Variants in GALNT18 observed in about 807,000 individuals in gnomAD.
GALNT18 encodes GalNAc-transferase 18.
Under a neutral mutation model 69.5 loss-of-function variants are expected in GALNT18, and 44 were observed. The observed-to-expected ratio is 0.63, with a 90% CI of 0.50 to 0.81. The LOEUF is 0.81. GALNT18 is among the 40% of genes least tolerant of loss of function. GALNT18 has a pLI of 0.00. For synonymous variants in GALNT18, 364 were observed against 318.2 expected (o/e 1.14, Z -1.53); for missense variants, 715 against 810.0 (o/e 0.88, Z 1.42).
rs1269581692 is a variant in GALNT18 at position 11,600,189 on chromosome 11, T to C, written c.235+21170A>G. On this transcript the variant is annotated intron_variant, in intron 1 of 10. Transcript: ENST00000227756. The surrounding 1 kb of genome is among the most constrained non-coding windows in gnomAD (Gnocchi z 4.8). Reference sequence around the variant, plus strand: ...AAGGAGGAGAAATATACAAATACGTTGTTTTTTATAATGGCTTATATAATT... The same window carrying C: ...AAGGAGGAGAAATATACAAATACGTCGTTTTTTATAATGGCTTATATAATT... Among the ~76,000 whole-genome samples, 3 of 152,106 alleles carry C rather than the reference T, an allele frequency of 2.0e-5. No homozygotes were observed. The highest frequency in any genetic ancestry group is 4.8e-5 in the African/African-American group (2 of 41,464).
chr11:11,468,501 T>C (rs560231515), intron 1 of GALNT18, among the ~76,000 whole-genome samples: 1 of 151,924 alleles, frequency 6.6e-6, no homozygotes, highest in Non-Finnish European at 1.5e-5. Context: ...CATGTGTTTC[T>C]GAAGCAGTGC....
chr11:11,347,956 G>T lies in GALNT18; in HGVS notation c.1093-6952C>A, dbSNP rs1422518376. ...AGACCAGAAAGTCACTCGCAGAGTG[G>T]CTGAACGGTCAGAGATGTAGGCAAA... On this transcript the variant is annotated intron_variant, in intron 6 of 10. Coordinates refer to ENST00000227756, the MANE Select transcript of GALNT18 (RefSeq NM_198516.3). This position sits in a 1 kb window ranked among gnomAD's most constrained non-coding sequence, Gnocchi z 4.0. 1.3e-5 allele frequency among the ~76,000 whole-genome samples: 2 copies of T among 152,178 alleles called. No individual in the cohort carries two copies. The highest frequency in any genetic ancestry group is 6.5e-5 in the Admixed American group (1 of 15,278).
At chr11:11,485,651 C>T (rs1374950453) in intron 1 of GALNT18, among the ~76,000 whole-genome samples, 1 of 152,182 alleles carries the variant, frequency 6.6e-6, no homozygotes, top group South Asian at 2.1e-4. Flanking sequence ...CACACACATA[C>T]ACATACCCAG....
rs556650233 is a variant in GALNT18, at chr11:11,592,763, C to G, written c.235+28596G>C. Among the ~76,000 whole-genome samples, 1 of 152,272 alleles carries G rather than the reference C, an allele frequency of 6.6e-6. No homozygotes were observed. Among genetic ancestry groups the G allele is most frequent in the Admixed American group, 6.5e-5 (1 of 15,298 alleles). On this transcript the variant is annotated intron_variant, in intron 1 of 10. Transcript: ENST00000227756. This position sits in a 1 kb window ranked among gnomAD's most constrained non-coding sequence, Gnocchi z 5.9. Reference sequence around the variant, plus strand: ...TTTATTAGGCAGTCTGGGGCCCATACTGAAAATTTTTTGACATATCTTCAA... The same window carrying G: ...TTTATTAGGCAGTCTGGGGCCCATAGTGAAAATTTTTTGACATATCTTCAA...
intron 9 of GALNT18, among the ~76,000 whole-genome samples, chr11:11,305,251 G>T (rs1345106976): frequency 6.6e-6 from 1 of 152,148 alleles, no homozygotes; most frequent in Non-Finnish European, 1.5e-5. Context: ...TGCCTTTTTA[G>T]TATCAGCTGC....
chr11:11,410,513 C>T (rs759836307), intron 3 of GALNT18, among the ~76,000 whole-genome samples: 9 of 152,180 alleles, frequency 5.9e-5, no homozygotes, highest in Non-Finnish European at 1.2e-4. Context: ...AATTAAAGGG[C>T]ACATCGGTGG....
intron 10 of GALNT18, among the ~76,000 whole-genome samples, chr11:11,287,224 C>G (rs547668896): frequency 6.6e-6 from 1 of 152,320 alleles, no homozygotes; most frequent in South Asian, 2.1e-4. Flanking sequence ...AGTCCTCAAT[C>G]CTTTAGCCAT....
rs11021797 is a variant in GALNT18 at position 11,314,781 on chromosome 11, A to G, written c.1512+12305T>C. ...TGGATTCTAAGGAGTCAGTGCTGGT[A>G]GAGAAAGCAGCGCTGCTGGGTGGTA... On this transcript the variant is annotated intron_variant, in intron 9 of 10. Coordinates refer to ENST00000227756, the MANE Select transcript of GALNT18 (RefSeq NM_198516.3). The surrounding 1 kb of genome is among the most constrained non-coding windows in gnomAD (Gnocchi z 5.2). 0.1 allele frequency among the ~76,000 whole-genome samples: 15,223 copies of G among 152,234 alleles called. 875 individuals carry two copies. The highest frequency in any genetic ancestry group is 0.13 in the Non-Finnish European group (8,870 of 68,012).
rs1854532670 is a variant in GALNT18 at position 11,404,141 on chromosome 11, A to G, written c.596-24877T>C. On this transcript the variant is annotated intron_variant, in intron 3 of 10. Coordinates refer to ENST00000227756, the MANE Select transcript of GALNT18 (RefSeq NM_198516.3). This position sits in a 1 kb window ranked among gnomAD's most constrained non-coding sequence, Gnocchi z 4.5. ...CATTCCCATGTCTCATGGGCTCCCC[A>G]TGAAACGGGCTTTCTCTTCCGTAAA... Among the ~76,000 whole-genome samples the G allele has an allele frequency of 6.6e-6, 1 of 152,206 alleles. No individual in the cohort carries two copies. The highest frequency in any genetic ancestry group is 2.1e-4 in the South Asian group (1 of 4,826).
At chr11:11,560,250 G>C (rs1858473785) in intron 1 of GALNT18, among the ~76,000 whole-genome samples, 1 of 152,150 alleles carries the variant, frequency 6.6e-6, no homozygotes, top group Non-Finnish European at 1.5e-5. Context: ...AATGAGATAT[G>C]ATGGGATGGG....
Position 11,350,057 on chromosome 11 carries a change from G to A in GALNT18, c.1093-9053C>T, listed in dbSNP as rs1328842807. ...AAGGGATCCCTCATAACTATCAGAG[G>A]CAGCAGGATTCATTGGGCAGAATTC... is the stretch of plus-strand genomic sequence containing the variant. On this transcript the variant is annotated intron_variant, in intron 6 of 10. Transcript: ENST00000227756. 2.0e-5 allele frequency among the ~76,000 whole-genome samples: 3 copies of A among 152,238 alleles called. No homozygotes were observed. In the East Asian group the frequency reaches 5.8e-4, roughly 29 times the overall value.
chr11:11,394,825 C>G lies in GALNT18; in HGVS notation c.596-15561G>C. On this transcript the variant is annotated intron_variant, in intron 3 of 10. Coordinates refer to ENST00000227756, the MANE Select transcript of GALNT18 (RefSeq NM_198516.3). ...CCTTCCTGACTACATCCTGGCTTTC[C>G]CTGGCACCGTAATGGGTTCCTCACT... Among the ~76,000 whole-genome samples, 2 of 152,188 alleles carry G rather than the reference C, an allele frequency of 1.3e-5. 1 individual carries two copies. The highest frequency in any genetic ancestry group is 2.9e-5 in the Non-Finnish European group (2 of 68,024).
At position 11,377,338 on chromosome 11, in the gene GALNT18, C is replaced by A; in HGVS notation, c.821G>T (p.Arg274Leu). The change falls in exon 5 of 11, where the codon CGG (arginine) becomes CTG (leucine). Residue 274 changes from arginine (R) to leucine (L), a missense_variant. Physicochemically the swap from Arg to Leu is moderately radical, Grantham distance 102 (BLOSUM62 -2). Coordinates refer to ENST00000227756, the MANE Select transcript of GALNT18 (RefSeq NM_198516.3). The surrounding 1 kb of genome is among the most constrained non-coding windows in gnomAD (Gnocchi z 4.6). Reference sequence around the variant, plus strand: ...GTTATCAAAGGATGGCGAGATGATCCGCTTCCGGTTCTCCTTGATGCGGGT... The same window carrying A: ...GTTATCAAAGGATGGCGAGATGATCAGCTTCCGGTTCTCCTTGATGCGGGT... ...VLTRIKENRK[R>L]IISPSFDNIK... 6.2e-7 allele frequency: 1 copy of A among 1,613,878 alleles called. No individual in the cohort carries two copies. The highest frequency in any genetic ancestry group is 1.1e-5 in the South Asian group (1 of 91,058).
rs377638333 is a variant in GALNT18, at chr11:11,548,695, A to G, written c.235+72664T>C. 1.1e-3 allele frequency among the ~76,000 whole-genome samples: 163 copies of G among 152,358 alleles called. 2 individuals are homozygous for G. In the South Asian group the frequency reaches 0.032, roughly 30 times the overall value. ...AGTAAGCCTCAGGCACACAAAAATA[A>G]ACACATGCACAATTTATCACTTTTC... On this transcript the variant is annotated intron_variant, in intron 1 of 10. Transcript: ENST00000227756.
Position 11,465,495 on chromosome 11 carries a change from C to T in GALNT18, c.236-16559G>A, listed in dbSNP as rs958883348. On this transcript the variant is annotated intron_variant, in intron 1 of 10. Transcript: ENST00000227756. This position sits in a 1 kb window ranked among gnomAD's most constrained non-coding sequence, Gnocchi z 5.7. ...TGGGGCTCGTGATCCGTATCCATGG[C>T]AGCTCAGTAGCCACAGAAGCCAAAG... Among the ~76,000 whole-genome samples the T allele has an allele frequency of 1.3e-5, 2 of 152,178 alleles. No homozygotes were observed. The highest frequency in any genetic ancestry group is 4.8e-5 in the African/African-American group (2 of 41,442).
intron 3 of GALNT18, among the ~76,000 whole-genome samples, chr11:11,422,444 G>C (rs1349948000): frequency 6.6e-6 from 1 of 152,262 alleles, no homozygotes; most frequent in Non-Finnish European, 1.5e-5. Flanking sequence ...CAAAGCCATA[G>C]AGGCAGGCAG....
intron 10 of GALNT18, among the ~76,000 whole-genome samples, chr11:11,274,736 T>C (rs1479869599): frequency 1.3e-5 from 2 of 152,196 alleles, no homozygotes; most frequent in Admixed American, 6.5e-5. Context: ...GTGTGTGATG[T>C]TCCCCTCCCT....
chr11:11,368,959 T>G (rs568971353), intron 6 of GALNT18, among the ~76,000 whole-genome samples: 4 of 152,344 alleles, frequency 2.6e-5, no homozygotes, highest in African/African-American at 9.6e-5. Context: ...GTGGCCTGGG[T>G]TAAAAGGCTC....
In GALNT18 at chr11:11,314,644, C is replaced by T. The variant is rs1428538280; in HGVS notation, c.1512+12442G>A. ...GGTGGGAAGCTGGCTGGGTGCTCAC[C>T]TCACCCAGAGAATGGGCACCAGCTC... On this transcript the variant is annotated intron_variant, in intron 9 of 10. Transcript: ENST00000227756. This position sits in a 1 kb window ranked among gnomAD's most constrained non-coding sequence, Gnocchi z 5.2. Among the ~76,000 whole-genome samples, 1 of 152,116 alleles carries T rather than the reference C, an allele frequency of 6.6e-6. No homozygotes were observed. Among genetic ancestry groups the T allele is most frequent in the African/African-American group, 2.4e-5 (1 of 41,420 alleles).
Sources: gnomAD v4.1 joint callset for allele counts (sites outside exome capture counted in the v4.1 genomes callset) on GRCh38, gnomAD v4.1.1 for gene constraint, Gnocchi (gnomAD v3.1) non-coding constraint, MANE v1.5 for transcripts, NCBI Gene and HGNC (gene_info 2026-07-23, HGNC 2026-07-21) for gene names.